The following UNC50 variants were observed in gnomAD, a reference collection of about 807,000 sequenced individuals.
The protein encoded by UNC50 is unc-50 inner nuclear membrane RNA binding protein, also known as protein unc-50 homolog.
A neutral mutation model predicts 31.5 loss-of-function variants in UNC50; 24 were observed. The ratio of observed to expected loss-of-function variants is 0.76; its 90% CI spans 0.55 to 1.07. The LOEUF is 1.07. Ranked by LOEUF, UNC50 falls within the 50% of genes least tolerant of loss-of-function variation. UNC50 has a pLI of 0.00. For synonymous variants in UNC50, 118 were observed against 114.7 expected (o/e 1.03, Z -0.18); for missense variants, 245 against 304.2 (o/e 0.81, Z 1.45).
In UNC50 at chr2:98,609,858, A is replaced by C. The variant is rs775054388; in HGVS notation, c.99A>C (p.Lys33Asn). 6.2e-7 allele frequency: 1 copy of C among 1,614,214 alleles called. No homozygotes were observed. Among genetic ancestry groups the C allele is most frequent in the Non-Finnish European group, 8.5e-7 (1 of 1,180,036 alleles). ...ACACAGCCGGAGCGAAACGCTACAA[A>C]TATCTGAGAAGGCTTTTCCGCTTTC... ...ARHTAGAKRY[K>N]YLRRLFRFRQ... Residue 33 changes from lysine (K) to asparagine (N), a missense_variant, in exon 2 of 6, where the codon AAA becomes AAC. Physicochemically the swap from Lys to Asn is moderately conservative, Grantham distance 94 (BLOSUM62 0). Coordinates refer to ENST00000357765, the MANE Select transcript of UNC50 (RefSeq NM_014044.7).
Position 98,610,864 on chromosome 2 carries a change from G to A in UNC50, c.370G>A (p.Gly124Ser). 1 of 1,614,138 alleles carries A rather than the reference G, an allele frequency of 6.2e-7. No individual in the cohort carries two copies. Among genetic ancestry groups the A allele is most frequent in the Non-Finnish European group, 8.5e-7 (1 of 1,179,996 alleles). The change falls in exon 3 of 6, where the codon GGC (glycine) becomes AGC (serine). Residue 124 changes from glycine to serine, a missense_variant. Physicochemically the swap from Gly to Ser is moderately conservative, Grantham distance 56 (BLOSUM62 0). Coordinates refer to ENST00000357765, the MANE Select transcript of UNC50 (RefSeq NM_014044.7). ...LLWVVLIDCV[G>S]VGLLIATLMW... Reference sequence around the variant, plus strand: ...TTGGGTTGTACTCATAGATTGTGTAGGCGTTGGTCTTCTGATAGCAACTTT... The same window carrying A: ...TTGGGTTGTACTCATAGATTGTGTAAGCGTTGGTCTTCTGATAGCAACTTT...
At chr2:98,617,851 ACT>A (rs930144005) in intron 5 of UNC50, among the ~76,000 whole-genome samples, 6 of 152,212 alleles carry the variant, frequency 3.9e-5, no homozygotes, top group African/African-American at 1.4e-4. Flanking sequence ...TAAATTCACC[ACT>A]GTTTTCATGA....
At chr2:98,617,655 T>G (rs577738556) in intron 5 of UNC50, among the ~76,000 whole-genome samples, 9 of 152,204 alleles carry the variant, frequency 5.9e-5, no homozygotes, top group Non-Finnish European at 1.3e-4. Flanking sequence ...AGCCAGACTT[T>G]TATATTTAAG....
At chr2:98,618,104 G>A (rs1213544311) in intron 5 of UNC50, 64 bp from the exon 6 acceptor site, 1 of 1,426,842 alleles carries the variant, frequency 7.0e-7, no homozygotes, top group East Asian at 2.5e-5. Context: ...CTTTCAAAAT[G>A]TTCATTTATT....
chr2:98,609,669 T>C, intron 1 of UNC50, 87 bp from the exon 2 acceptor site: 2 of 1,588,028 alleles, frequency 1.3e-6, no homozygotes, highest in South Asian at 2.3e-5. Flanking sequence ...GAAAGTGACC[T>C]CCCTGCCAAA....
intron 3 of UNC50, among the ~76,000 whole-genome samples, chr2:98,613,121 G>C (rs1700863689): frequency 6.6e-6 from 1 of 152,236 alleles, no homozygotes; most frequent in Non-Finnish European, 1.5e-5. Flanking sequence ...TAGTACAGCA[G>C]AGCTTTTGTA....
intron 5 of UNC50, 69 bp downstream of exon 5, chr2:98,616,602 A>G: frequency 1.6e-6 from 2 of 1,254,414 alleles, no homozygotes; most frequent in Non-Finnish European, 2.3e-6. Flanking sequence ...ACAGTAGTAC[A>G]AACAGCTGCT....
intron 3 of UNC50, among the ~76,000 whole-genome samples, chr2:98,612,689 G>A (rs368800296): frequency 3.3e-5 from 5 of 152,220 alleles, no homozygotes; most frequent in African/African-American, 9.7e-5. Context: ...GATTACAGGC[G>A]TGAGCCACCG....
intron 3 of UNC50, among the ~76,000 whole-genome samples, chr2:98,611,312 C>T (rs531218628): frequency 6.6e-6 from 1 of 152,264 alleles, no homozygotes; most frequent in Admixed American, 6.5e-5. Flanking sequence ...GTAAAATGTA[C>T]ATTGTTTTAA....
intron 1 of UNC50, 158 bp from the exon 2 acceptor site, chr2:98,609,598 C>T (rs1700786241): frequency 6.7e-6 from 8 of 1,186,950 alleles, no homozygotes; most frequent in Middle Eastern, 2.9e-4. Context: ...CAAGACCCGC[C>T]TCAGAACTAA....
chr2:98,609,543 G>A (rs1319521249), intron 1 of UNC50: 2 of 662,638 alleles, frequency 3.0e-6, no homozygotes, highest in Non-Finnish European at 5.3e-6. Flanking sequence ...CAGAAGGGTG[G>A]GCTGTTGCCC....
chr2:98,612,446 G>A (rs561528255), intron 3 of UNC50, among the ~76,000 whole-genome samples: 1 of 149,268 alleles, frequency 6.7e-6, no homozygotes, highest in East Asian at 2.0e-4. Context: ...GTCCCACTCT[G>A]TCACCCAGGC....
chr2:98,618,138 T>A lies in UNC50; in HGVS notation c.644-30T>A, dbSNP rs113829787. On this transcript the variant is annotated intron_variant, in intron 5 of 5. Transcript: ENST00000357765. ...TTAGTCATTTATTTTTTTTTTTTTT[T>A]AAATCAGTTTGGATTCCTTTCTTTT... The A allele has an allele frequency of 0.011, 16,106 of 1,462,022 alleles. 230 individuals carry two copies. Among genetic ancestry groups the A allele is most frequent in the Admixed American group, 0.075 (2,727 of 36,576 alleles). The allele number at this position is 1,462,022 out of a possible 1,614,324, so 90.6% of individuals were successfully genotyped here. A position where few individuals can be genotyped will look rare whatever the true frequency, so the allele number is the denominator to read the frequency against.
chr2:98,614,234 G>A (rs1360940084), intron 3 of UNC50, among the ~76,000 whole-genome samples: 2 of 152,200 alleles, frequency 1.3e-5, no homozygotes, highest in African/African-American at 2.4e-5. Flanking sequence ...GGTCTGCGTA[G>A]GAGTAGAGGA....
At chr2:98,615,640 T>C (rs935694750) in intron 3 of UNC50, among the ~76,000 whole-genome samples, 11 of 152,222 alleles carry the variant, frequency 7.2e-5, no homozygotes, top group Admixed American at 4.6e-4. Context: ...AACTGGTCTC[T>C]GCTGCCAGTC....
At chr2:98,612,566 C>G (rs1276342659) in intron 3 of UNC50, among the ~76,000 whole-genome samples, 1 of 152,176 alleles carries the variant, frequency 6.6e-6, no homozygotes, top group Non-Finnish European at 1.5e-5. Flanking sequence ...CACACCACCA[C>G]ACTTGGCTAA....
At chr2:98,614,571 C>T (rs537935365) in intron 3 of UNC50, among the ~76,000 whole-genome samples, 1 of 152,266 alleles carries the variant, frequency 6.6e-6, no homozygotes, top group Admixed American at 6.5e-5. Flanking sequence ...AGGTGAAAAC[C>T]ACAGTGCCTT....
intron 2 of UNC50, 52 bp downstream of exon 2, chr2:98,610,091 T>C (rs765362157): frequency 2.0e-5 from 30 of 1,525,698 alleles, no homozygotes; most frequent in Non-Finnish European, 2.3e-5. Flanking sequence ...TCTGATTAGA[T>C]TTTTTGTTAT....
chr2:98,611,423 G>C (rs1172902721), intron 3 of UNC50, among the ~76,000 whole-genome samples: 1 of 152,214 alleles, frequency 6.6e-6, no homozygotes, highest in Non-Finnish European at 1.5e-5. Flanking sequence ...CAATTTACTT[G>C]TGAGAGGCAG....
Sources: gnomAD v4.1 joint callset for allele counts (sites outside exome capture counted in the v4.1 genomes callset) on GRCh38, gnomAD v4.1.1 for gene constraint, MANE v1.5 for transcripts, NCBI Gene and HGNC (gene_info 2026-07-23, HGNC 2026-07-21) for gene names.